Variants in EPAS1 observed in about 807,000 individuals in gnomAD.
The protein encoded by EPAS1 is endothelial PAS domain-containing protein 1.
Under a neutral mutation model 87.9 loss-of-function variants are expected in EPAS1, and 23 were observed. The observed-to-expected ratio is 0.26, with a 90% CI of 0.19 to 0.37. EPAS1 has a LOEUF of 0.37. Ranked by LOEUF, EPAS1 falls within the 10% of genes least tolerant of loss-of-function variation. EPAS1 has a pLI of 1.00. For missense variants in EPAS1, 1,138 were observed against 1,120.7 expected (o/e 1.02, Z -0.22); for synonymous variants, 508 against 444.3 (o/e 1.14, Z -1.80).
intron 9 of EPAS1, among the ~76,000 whole-genome samples, chr2:46,377,203 C>T (rs1482266218): frequency 2.0e-5 from 3 of 152,220 alleles, no homozygotes; most frequent in South Asian, 2.1e-4. Context: ...ATTCCAAAAA[C>T]ACAGAGAACA....
chr2:46,380,123 G>A lies in EPAS1; in HGVS notation c.1555-104G>A. On this transcript the variant is annotated intron_variant, in intron 11 of 15. Coordinates refer to ENST00000263734, the MANE Select transcript of EPAS1 (RefSeq NM_001430.5). The surrounding 1 kb of genome is among the most constrained non-coding windows in gnomAD (Gnocchi z 4.4). ...AGTGGAGGCGTTTGAGCAGCACTGT[G>A]AAACAGTGCTTGAGATGAATGGCTC... 2 of 1,574,600 alleles carry A rather than the reference G, an allele frequency of 1.3e-6. No individual in the cohort carries two copies. Among genetic ancestry groups the A allele is most frequent in the South Asian group, 2.2e-5 (2 of 90,262 alleles).
chr2:46,353,124 CTG>C (rs1437194471), intron 2 of EPAS1, among the ~76,000 whole-genome samples: 1 of 152,178 alleles, frequency 6.6e-6, no homozygotes, highest in African/African-American at 2.4e-5. Context: ...GGGTTGGCCT[CTG>C]TGTATCTACA....
chr2:46,353,052 C>T (rs996458147), intron 2 of EPAS1, among the ~76,000 whole-genome samples: 1 of 151,866 alleles, frequency 6.6e-6, no homozygotes, highest in Non-Finnish European at 1.5e-5. Context: ...TTGAAGTCAG[C>T]GTTACCACTG....
At chr2:46,381,004 C>G in intron 12 of EPAS1, among the ~76,000 whole-genome samples, 1 of 152,174 alleles carries the variant, frequency 6.6e-6, no homozygotes, top group South Asian at 2.1e-4. Flanking sequence ...CCTTTCGTAT[C>G]TCGGTTCATC....
Position 46,360,568 on chromosome 2 carries a change from G to T in EPAS1, c.455-70G>T. 1 of 1,345,534 alleles carries T rather than the reference G, an allele frequency of 7.4e-7. No individual in the cohort carries two copies. Among genetic ancestry groups the T allele is most frequent in the Non-Finnish European group, 1.1e-6 (1 of 935,792 alleles). The allele number at this position is 1,345,534 out of a possible 1,614,324, so 83.3% of individuals were successfully genotyped here. A position where few individuals can be genotyped will look rare whatever the true frequency, so the allele number is the denominator to read the frequency against. On this transcript the variant is annotated intron_variant, in intron 4 of 15. Coordinates refer to ENST00000263734, the MANE Select transcript of EPAS1 (RefSeq NM_001430.5). This position sits in a 1 kb window ranked among gnomAD's most constrained non-coding sequence, Gnocchi z 4.5. ...CAATAGGCTGCCAAGAAAAACTGCA[G>T]CTGGGCCCCTCTCATGAATATCCAT... is the stretch of plus-strand genomic sequence containing the variant.
chr2:46,304,499 C>T (rs1038660514), intron 1 of EPAS1, among the ~76,000 whole-genome samples: 1 of 152,148 alleles, frequency 6.6e-6, no homozygotes, highest in African/African-American at 2.4e-5. Context: ...TGTTGTTTTC[C>T]TTGTAATTAT....
chr2:46,381,823 C>G, intron 13 of EPAS1, 101 bp downstream of exon 13: 1 of 1,582,946 alleles, frequency 6.3e-7, no homozygotes. Flanking sequence ...CCAGCATAGC[C>G]CTTAGGGAAC....
rs1036010645 is a variant in EPAS1 at position 46,297,744 on chromosome 2, C to T, written c.-168C>T. 2.4e-6 allele frequency: 2 copies of T among 820,572 alleles called. No individual in the cohort carries two copies. Among genetic ancestry groups the T allele is most frequent in the Non-Finnish European group, 3.8e-6 (2 of 526,660 alleles). The allele number at this position is 820,572 out of a possible 1,614,324, so 50.8% of individuals were successfully genotyped here. On this transcript the variant is annotated 5_prime_UTR_variant, in exon 1 of 16. Transcript: ENST00000263734. ...TCCACCCCCGCCCCCGCACCTAGCCCGCCGCGCGCCACCTTCCACCTGACT... is the reference window on the plus strand; with the variant it reads ...TCCACCCCCGCCCCCGCACCTAGCCTGCCGCGCGCCACCTTCCACCTGACT...
At chr2:46,324,729 C>T (rs1185076842) in intron 1 of EPAS1, among the ~76,000 whole-genome samples, 4 of 152,206 alleles carry the variant, frequency 2.6e-5, no homozygotes, top group South Asian at 4.1e-4. Flanking sequence ...AAAGCAGTTA[C>T]GTAAGTGGGG....
intron 9 of EPAS1, 26 bp downstream of exon 9, chr2:46,376,779 C>A (rs756257587): frequency 6.2e-7 from 1 of 1,609,648 alleles, no homozygotes; most frequent in Admixed American, 1.7e-5. Flanking sequence ...CTAAGCCAGG[C>A]CCCTGGAACC....
At chr2:46,298,068 G>A in intron 1 of EPAS1, 131 bp downstream of exon 1, 1 of 1,138,486 alleles carries the variant, frequency 8.8e-7, no homozygotes. Context: ...CGGTTTGGAG[G>A]GCTGTGAGGG....
intron 15 of EPAS1, among the ~76,000 whole-genome samples, chr2:46,383,005 A>G (rs1290982032): frequency 6.8e-6 from 1 of 147,206 alleles, no homozygotes; most frequent in African/African-American, 2.4e-5. Context: ...GAAGAAGAGA[A>G]GAGAAAGTTC....
chr2:46,379,041 C>G (rs1003953612), intron 11 of EPAS1, among the ~76,000 whole-genome samples: 3 of 152,172 alleles, frequency 2.0e-5, no homozygotes, highest in Admixed American at 2.0e-4. Context: ...ACCACTGCAC[C>G]TTTCTTTAAA....
intron 1 of EPAS1, 150 bp downstream of exon 1, chr2:46,298,087 T>C: frequency 9.9e-7 from 1 of 1,009,810 alleles, no homozygotes; most frequent in African/African-American, 1.6e-5. Context: ...GGGGAGAGCA[T>C]GTGCCCGGTT....
chr2:46,325,471 C>G (rs1232272591), intron 1 of EPAS1, among the ~76,000 whole-genome samples: 1 of 152,188 alleles, frequency 6.6e-6, no homozygotes, highest in African/African-American at 2.4e-5. Flanking sequence ...TTAGAATATC[C>G]TGTAGGCAGG....
At chr2:46,378,126 C>T (rs1294774165) in intron 10 of EPAS1, 39 bp downstream of exon 10, 1 of 1,559,236 alleles carries the variant, frequency 6.4e-7, no homozygotes, top group East Asian at 2.4e-5. Flanking sequence ...AGAGAGGGCT[C>T]CGTATGTATG....
At chr2:46,357,627 A>G (rs1684295264) in intron 4 of EPAS1, among the ~76,000 whole-genome samples, 2 of 152,220 alleles carry the variant, frequency 1.3e-5, no homozygotes, top group South Asian at 4.1e-4. Flanking sequence ...AGGAAACTAC[A>G]CGAAGCCATG....
intron 11 of EPAS1, among the ~76,000 whole-genome samples, 198 bp downstream of exon 11, chr2:46,378,965 A>T (rs1226650907): frequency 6.6e-6 from 1 of 152,246 alleles, no homozygotes; most frequent in African/African-American, 2.4e-5. Context: ...TGTCAAATCC[A>T]GCTCTTCCAG....
chr2:46,310,164 C>G (rs1411429211), intron 1 of EPAS1, among the ~76,000 whole-genome samples: 1 of 151,724 alleles, frequency 6.6e-6, no homozygotes, highest in Non-Finnish European at 1.5e-5. Flanking sequence ...CTTGCTGTAT[C>G]CTAAAATAGC....
Sources: gnomAD v4.1 joint callset for allele counts (sites outside exome capture counted in the v4.1 genomes callset) on GRCh38, gnomAD v4.1.1 for gene constraint, Gnocchi (gnomAD v3.1) non-coding constraint, MANE v1.5 for transcripts, NCBI Gene and HGNC (gene_info 2026-07-23, HGNC 2026-07-21) for gene names.